DNM1: variants seen among roughly 807,000 people sequenced by gnomAD.
DNM1 encodes dynamin 1.
A neutral mutation model predicts 104.6 loss-of-function variants in DNM1; 29 were observed. That is an observed-to-expected ratio of 0.28 (90% confidence interval 0.21 to 0.38). DNM1 has a LOEUF of 0.38. Ranked by LOEUF, DNM1 falls within the 10% of genes least tolerant of loss-of-function variation. DNM1 has a pLI of 1.00. For missense variants in DNM1, 640 were observed against 1,189.4 expected, an observed-to-expected ratio of 0.54 and a Z score of 6.79; for synonymous variants, 445 against 475.8, an observed-to-expected ratio of 0.94 and a Z score of 0.84.
intron 1 of DNM1, among the ~76,000 whole-genome samples, chr9:128,209,349 G>C (rs1345180642): frequency 6.6e-6 from 1 of 152,150 alleles, no homozygotes; most frequent in African/African-American, 2.4e-5. Flanking sequence ...CCCAGGCCCT[G>C]GCTGGGTCAG....
chr9:128,244,897 A>AC (rs750371544), intron 15 of DNM1: 9 of 414,804 alleles, frequency 2.2e-5, no homozygotes, highest in Non-Finnish European at 4.7e-5. Flanking sequence ...AGATCCGAGA[A>AC]CCCCCCAACC....
chr9:128,238,262 T>C (rs1461969038), intron 11 of DNM1, among the ~76,000 whole-genome samples: 1 of 151,808 alleles, frequency 6.6e-6, no homozygotes, highest in African/African-American at 2.4e-5. Context: ...TTCGCTCTTG[T>C]TGCCCAGGCT....
At position 128,243,570 on chromosome 9, in the gene DNM1, C is replaced by T. The variant is rs180759543; in HGVS notation, c.1671+1225C>T. 1.4e-4 allele frequency among the ~76,000 whole-genome samples: 21 copies of T among 152,322 alleles called. No homozygotes were observed. The highest frequency in any genetic ancestry group is 3.1e-4 in the African/African-American group (13 of 41,590). On this transcript the variant is annotated intron_variant, in intron 15 of 21. Transcript: ENST00000372923. This position sits in a 1 kb window ranked among gnomAD's most constrained non-coding sequence, Gnocchi z 4.0. ...CCTCATTACCCCAACCCTGGCCTCC[C>T]CCACCATGGGGGCCCCTGGAAGGGA...
chr9:128,222,596 G>A lies in DNM1; in HGVS notation c.1128G>A (p.Lys376=). The change falls in exon 8 of 22, where the codon AAG becomes AAA. Residue 376 remains lysine (K), a splice_region_variant and synonymous_variant. Coordinates refer to ENST00000372923, the MANE Select transcript of DNM1 (RefSeq NM_004408.4). The surrounding 1 kb of genome is among the most constrained non-coding windows in gnomAD (Gnocchi z 7.8). Reference sequence around the variant, plus strand: ...AGCGCTTCCCTTTCGAGCTGGTCAAGGTAGGTCAGGCAGCCCTGGGGACAG... The same window carrying A: ...AGCGCTTCCCTTTCGAGCTGGTCAAAGTAGGTCAGGCAGCCCTGGGGACAG... ...FHERFPFELV[K]MEFDEKELRR... The A allele has an allele frequency of 6.2e-7, 1 of 1,614,126 alleles. No homozygotes were observed. The highest frequency in any genetic ancestry group is 8.5e-7 in the Non-Finnish European group (1 of 1,180,014).
intron 1 of DNM1, among the ~76,000 whole-genome samples, chr9:128,214,926 G>A (rs1834516060): frequency 6.6e-6 from 1 of 152,230 alleles, no homozygotes; most frequent in African/African-American, 2.4e-5. Context: ...CTGGGGAGAA[G>A]GAGGGCCACC....
Position 128,230,413 on chromosome 9 carries a change from T to TTTTATTTATTTATTTA in DNM1, c.1336-3604_1336-3589dup, listed in dbSNP as rs143301170. ...AATCTTTTTATTTTCTCTTCACAAA[T>TTTTATTTATTTATTTA]TTTATTTATTTATTTATTTCTTTAT... On this transcript the variant is annotated intron_variant, in intron 10 of 21. Coordinates refer to ENST00000372923, the MANE Select transcript of DNM1 (RefSeq NM_004408.4). 6.0e-4 allele frequency among the ~76,000 whole-genome samples: 89 copies of TTTTATTTATTTATTTA among 148,152 alleles called. 1 individual carries two copies. Among genetic ancestry groups the TTTTATTTATTTATTTA allele is most frequent in the Middle Eastern group, 3.4e-3 (1 of 294 alleles).
chr9:128,246,538 C>G (rs1166189367), intron 16 of DNM1, 35 bp downstream of exon 16: 1 of 1,497,472 alleles, frequency 6.7e-7, no homozygotes, highest in East Asian at 2.3e-5. Context: ...CTGCTGCAGC[C>G]CCAAAACCAC....
intron 21 of DNM1, chr9:128,252,263 C>T: frequency 3.5e-6 from 1 of 281,708 alleles, no homozygotes; most frequent in Non-Finnish European, 7.0e-6. Flanking sequence ...GGGTATTTGG[C>T]ACCCAGGTCT....
rs1010717409 is a variant in DNM1, at chr9:128,240,801, G to T, written c.1557+805G>T. ...GGCCTGCTGGTAGGGCCCAGCTAAG[G>T]CCCCTGAGAGCTCCATGCAGGGTGG... On this transcript the variant is annotated intron_variant, in intron 14 of 21. Transcript: ENST00000372923. This position sits in a 1 kb window ranked among gnomAD's most constrained non-coding sequence, Gnocchi z 5.1. The T allele has an allele frequency of 6.5e-5, 10 of 152,954 alleles. No individual in the cohort carries two copies. Among genetic ancestry groups the T allele is most frequent in the Admixed American group, 4.6e-4 (7 of 15,294 alleles). 9.5% of individuals were successfully genotyped at this position (152,954 alleles called of 1,614,324 possible). A position where few individuals can be genotyped will look rare whatever the true frequency, so the allele number is the denominator to read the frequency against.
chr9:128,210,108 C>T (rs910238131), intron 1 of DNM1, among the ~76,000 whole-genome samples: 1 of 152,034 alleles, frequency 6.6e-6, no homozygotes, highest in Non-Finnish European at 1.5e-5. Context: ...TGCAGTGGGG[C>T]GATCTTGGCT....
In DNM1 at chr9:128,220,110, C is replaced by T. The variant is rs562844012; in HGVS notation, c.688+24C>T. 1 of 1,612,726 alleles carries T rather than the reference C, an allele frequency of 6.2e-7. No individual in the cohort carries two copies. The highest frequency in any genetic ancestry group is 1.3e-5 in the African/African-American group (1 of 75,016). On this transcript the variant is annotated intron_variant, in intron 5 of 21. Transcript: ENST00000372923. This position sits in a 1 kb window ranked among gnomAD's most constrained non-coding sequence, Gnocchi z 5.2. The stretch of plus-strand genomic sequence containing the variant: ...AGGTAAGCAGGCCATGCCCCTCAAC[C>T]ACTCCCCAGCCCTTCCCCACCCTTC...
Position 128,250,096 on chromosome 9 carries a change from C to T in DNM1, c.2077-19C>T. 1 of 1,613,988 alleles carries T rather than the reference C, an allele frequency of 6.2e-7. No individual in the cohort carries two copies. Among genetic ancestry groups the T allele is most frequent in the Non-Finnish European group, 8.5e-7 (1 of 1,179,930 alleles). ...CAGGCATCAGGTCCCCACCTCCTTC[C>T]CTCTTTGCCTACTCGCAGACCAAGG... On this transcript the variant is annotated intron_variant, in intron 19 of 21. Coordinates refer to ENST00000372923, the MANE Select transcript of DNM1 (RefSeq NM_004408.4).
chr9:128,208,430 A>C (rs1453785968), intron 1 of DNM1, among the ~76,000 whole-genome samples: 4 of 152,110 alleles, frequency 2.6e-5, no homozygotes, highest in Non-Finnish European at 5.9e-5. Flanking sequence ...TCTCTTTGTC[A>C]AACCTAGCCT....
At chr9:128,214,637 G>A (rs767254468) in intron 1 of DNM1, among the ~76,000 whole-genome samples, 9 of 152,216 alleles carry the variant, frequency 5.9e-5, no homozygotes, top group Non-Finnish European at 7.3e-5. Context: ...AGTTCAGACA[G>A]GGAGTGTGGC....
chr9:128,224,089 C>G lies in DNM1; in HGVS notation c.1197-162C>G. 1 of 826,648 alleles carries G rather than the reference C, an allele frequency of 1.2e-6. No individual in the cohort carries two copies. The highest frequency in any genetic ancestry group is 2.8e-5 in the East Asian group (1 of 35,376). 51.2% of individuals were successfully genotyped at this position (826,648 alleles called of 1,614,324 possible). ...AACAACAAAAAACCCTTCATTAGAA[C>G]CCCTCCCTCCCATTTTACAACTGGG... On this transcript the variant is annotated intron_variant, in intron 9 of 21. Transcript: ENST00000372923. The surrounding 1 kb of genome is among the most constrained non-coding windows in gnomAD (Gnocchi z 4.3).
rs1237746577 is a variant in DNM1 at position 128,234,127 on chromosome 9, GCCTGGCCGCGCCTTCCTTCCACT to G, written c.1422+30_1422+52del. The G allele has an allele frequency of 6.7e-7, 1 of 1,502,766 alleles. No homozygotes were observed. Among genetic ancestry groups the G allele is most frequent in the Non-Finnish European group, 8.9e-7 (1 of 1,120,484 alleles). 93.1% of individuals were successfully genotyped at this position (1,502,766 alleles called of 1,614,324 possible). ...GAGCAGGTGAGCCCCGCAGCACCCGGCCTGGCCGCGCCTTCCTTCCACTCCTGGCCGCCTGCGCCTTCCACTCC... is the reference window on the plus strand; with the variant it reads ...GAGCAGGTGAGCCCCGCAGCACCCGGCCTGGCCGCCTGCGCCTTCCACTCC... On this transcript the variant is annotated intron_variant, in intron 11 of 21. Transcript: ENST00000372923.
chr9:128,248,325 A>G lies in DNM1; in HGVS notation c.1906-258A>G, dbSNP rs1836954989. The G allele has an allele frequency of 2.2e-6, 1 of 444,512 alleles. No individual in the cohort carries two copies. Among genetic ancestry groups the G allele is most frequent in the Admixed American group, 3.7e-5 (1 of 27,288 alleles). The allele number at this position is 444,512 out of a possible 1,614,324, so 27.5% of individuals were successfully genotyped here. On this transcript the variant is annotated intron_variant, in intron 18 of 21. Coordinates refer to ENST00000372923, the MANE Select transcript of DNM1 (RefSeq NM_004408.4). The surrounding 1 kb of genome is among the most constrained non-coding windows in gnomAD (Gnocchi z 5.6). ...GGTGACAAAGCAAGACTTTCTCAAA[A>G]TAATAATAATAATAATTTCTGGATT...
In DNM1 at chr9:128,240,730, C is replaced by T. The variant is rs2131256884; in HGVS notation, c.1557+734C>T. On this transcript the variant is annotated intron_variant, in intron 14 of 21. Coordinates refer to ENST00000372923, the MANE Select transcript of DNM1 (RefSeq NM_004408.4). This position sits in a 1 kb window ranked among gnomAD's most constrained non-coding sequence, Gnocchi z 5.1. ...GACAATTCAATTCAGCCAACACTAG[C>T]TGGTGCCTACACGGTGCTGGCCCCT... 6.6e-6 allele frequency: 1 copy of T among 152,528 alleles called. No homozygotes were observed. The highest frequency in any genetic ancestry group is 1.9e-4 in the East Asian group (1 of 5,186). 9.4% of individuals were successfully genotyped at this position (152,528 alleles called of 1,614,324 possible).
chr9:128,250,363 G>A lies in DNM1; in HGVS notation c.2318+7G>A. 6.4e-7 allele frequency: 1 copy of A among 1,569,552 alleles called. No homozygotes were observed. Among genetic ancestry groups the A allele is most frequent in the Non-Finnish European group, 8.6e-7 (1 of 1,159,486 alleles). On this transcript the variant is annotated splice_region_variant and intron_variant, in intron 20 of 21. Coordinates refer to ENST00000372923, the MANE Select transcript of DNM1 (RefSeq NM_004408.4). Reference sequence around the variant, plus strand: ...GCGTACCGGCCGGACGCAGGTACCAGGGCCGGCCCCCACGGCCCCAAAGCC... The same window carrying A: ...GCGTACCGGCCGGACGCAGGTACCAAGGCCGGCCCCCACGGCCCCAAAGCC...
Sources: gnomAD v4.1 joint callset for allele counts (sites outside exome capture counted in the v4.1 genomes callset) on GRCh38, gnomAD v4.1.1 for gene constraint, Gnocchi (gnomAD v3.1) non-coding constraint, MANE v1.5 for transcripts, NCBI Gene and HGNC (gene_info 2026-07-23, HGNC 2026-07-21) for gene names.